The following GFM2 variants were observed in gnomAD, a reference collection of about 807,000 sequenced individuals.
GFM2 encodes the protein ribosome-releasing factor 2, mitochondrial.
A neutral mutation model predicts 95.4 loss-of-function variants in GFM2; 72 were observed. The observed-to-expected ratio is 0.76, with a 90% CI of 0.62 to 0.92. The LOEUF (loss-of-function observed/expected upper bound fraction) is 0.92. GFM2 is among the 40% of genes least tolerant of loss of function. The probability of loss-of-function intolerance (pLI) is 0.00; values close to 1 mark genes in which losing one functional copy is unlikely to be tolerated. For synonymous variants in GFM2, 276 were observed against 317.5 expected, an observed-to-expected ratio of 0.87 and a Z score of 1.39; for missense variants, 825 against 924.1, an observed-to-expected ratio of 0.89 and a Z score of 1.39.
At chr5:74,752,636 G>A (rs1743777413) in intron 5 of GFM2, among the ~76,000 whole-genome samples, 1 of 152,140 alleles carries the variant, frequency 6.6e-6, no homozygotes, top group African/African-American at 2.4e-5. Context: ...TTACACAGTA[G>A]TAAGCATTTT....
At chr5:74,749,238 T>A (rs559089561) in intron 7 of GFM2, among the ~76,000 whole-genome samples, 1 of 152,052 alleles carries the variant, frequency 6.6e-6, no homozygotes, top group African/African-American at 2.4e-5. Context: ...TGGTCTCTAA[T>A]TCCTGGGCTC....
chr5:74,760,930 C>T lies in GFM2; in HGVS notation c.120G>A (p.Pro40=), dbSNP rs368688699. 5.0e-6 allele frequency: 8 copies of T among 1,610,100 alleles called. No homozygotes were observed. The highest frequency in any genetic ancestry group is 6.8e-6 in the Non-Finnish European group (8 of 1,176,954). Reference sequence around the variant, plus strand: ...GTAGAGAACTGCAATTTCTTCCAAGCGGCACATGTGGCTTTAATCTTTTTA... The same window carrying T: ...GTAGAGAACTGCAATTTCTTCCAAGTGGCACATGTGGCTTTAATCTTTTTA... The part of the protein sequence containing the change: ...ASLKRLKPHV[P]LGRNCSSLPG... The change falls in exon 3 of 21, where the codon CCG becomes CCA. Residue 40 remains proline (P), a synonymous_variant. Transcript: ENST00000296805.
chr5:74,725,662 C>A lies in GFM2; in HGVS notation c.2006G>T (p.Cys669Phe), dbSNP rs758567870. The stretch of plus-strand genomic sequence containing the variant: ...TACCTTTTGCACGCATCTTGAGACA[C>A]AGGCAGAAATCATAGTTGTGGAGGT... ...PGTSTTMISACVSRCVQKALK... is the reference protein window; with the variant it reads ...PGTSTTMISAFVSRCVQKALK... The change falls in exon 19 of 21, where the codon TGT becomes TTT. Residue 669 changes from cysteine (C) to phenylalanine (F), a missense_variant. By Grantham distance (205) the Cys-to-Phe change is radical. Coordinates refer to ENST00000296805, the MANE Select transcript of GFM2 (RefSeq NM_032380.5). 1.5e-5 allele frequency: 24 copies of A among 1,612,896 alleles called. No individual in the cohort carries two copies. Among genetic ancestry groups the A allele is most frequent in the Non-Finnish European group, 1.9e-5 (22 of 1,179,158 alleles).
intron 16 of GFM2, among the ~76,000 whole-genome samples, chr5:74,731,423 C>T (rs190530033): frequency 6.0e-4 from 92 of 152,210 alleles, no homozygotes; most frequent in Middle Eastern, 6.8e-3. Flanking sequence ...TATGATCAAG[C>T]CCCAATAATA....
In GFM2 at chr5:74,761,154, C is replaced by T. The variant is rs560951636; in HGVS notation, c.64-168G>A. On this transcript the variant is annotated intron_variant, in intron 2 of 20. Coordinates refer to ENST00000296805, the MANE Select transcript of GFM2 (RefSeq NM_032380.5). ...TTAAAAAGTGACAATCCAAATATATCCTAGGGGAAAGAATAAGGATAAAAT... is the reference window on the plus strand; with the variant it reads ...TTAAAAAGTGACAATCCAAATATATTCTAGGGGAAAGAATAAGGATAAAAT... 3.3e-5 allele frequency among the ~76,000 whole-genome samples: 5 copies of T among 152,208 alleles called. No homozygotes were observed. In the South Asian group the frequency reaches 6.2e-4, roughly 19 times the overall value.
At chr5:74,732,968 ACACACACACACT>A (rs1206427584) in intron 16 of GFM2, 42 bp downstream of exon 16, 3 of 924,472 alleles carry the variant, frequency 3.2e-6, no homozygotes, top group Non-Finnish European at 1.8e-6. Flanking sequence ...ACACACACAC[ACACACACACACT>A]CTTATAGAAA....
chr5:74,733,229 G>A (rs146656777), intron 15 of GFM2, 131 bp from the exon 16 acceptor site: 6 of 615,250 alleles, frequency 9.8e-6, no homozygotes, highest in African/African-American at 3.7e-5. Context: ...GGTGACTCAC[G>A]TCTGTAATCC....
intron 7 of GFM2, among the ~76,000 whole-genome samples, chr5:74,748,785 A>C (rs1183304472): frequency 4.0e-5 from 6 of 151,392 alleles, no homozygotes; most frequent in Non-Finnish European, 8.8e-5. Context: ...GGATCGCTTG[A>C]ACCCGGGAGA....
chr5:74,762,014 G>A (rs1744307938), intron 2 of GFM2, among the ~76,000 whole-genome samples: 1 of 152,188 alleles, frequency 6.6e-6, no homozygotes, highest in South Asian at 2.1e-4. Context: ...ATCACAGCGT[G>A]CATAGTCTGA....
At chr5:74,737,659 C>T (rs1273062861) in intron 14 of GFM2, among the ~76,000 whole-genome samples, 1 of 152,110 alleles carries the variant, frequency 6.6e-6, no homozygotes, top group Non-Finnish European at 1.5e-5. Context: ...GAAGGATCTT[C>T]AAACTTGAAA....
chr5:74,747,653 G>T, intron 8 of GFM2, 39 bp downstream of exon 8: 1 of 1,223,708 alleles, frequency 8.2e-7, no homozygotes, highest in Non-Finnish European at 1.2e-6. Context: ...TCAAATTGTA[G>T]TTTCACCCTG....
rs368755569 is a variant in GFM2, at chr5:74,721,620, G to A, written c.*35C>T. 9 of 1,597,718 alleles carry A rather than the reference G, an allele frequency of 5.6e-6. No individual in the cohort carries two copies. The African/African-American group carries it at 1.2e-4, about 22-fold the overall frequency. ...GTTCTTACTGAAAATGAAGTAGCTA[G>A]GTGCTCCTGAATTTCTCTCCAAAAA... is the stretch of plus-strand genomic sequence containing the variant. On this transcript the variant is annotated 3_prime_UTR_variant, in exon 21 of 21. Transcript: ENST00000296805.
In GFM2 at chr5:74,738,356, T is replaced by G. The variant is rs1400943922; in HGVS notation, c.1282A>C (p.Thr428Pro). The change falls in exon 14 of 21, where the codon ACT becomes CCT. Residue 428 changes from threonine (T) to proline (P), a missense_variant. By Grantham distance (38) the Thr-to-Pro change is conservative. Transcript: ENST00000296805. ...ADQHVEIPSL[T>P]AGNIALTVGL... ...ACAGTCAAAGCAATGTTACCAGCAGTCAATGAAGGGATTTCTACATGTTGG... is the reference window on the plus strand; with the variant it reads ...ACAGTCAAAGCAATGTTACCAGCAGGCAATGAAGGGATTTCTACATGTTGG... 2 of 1,613,510 alleles carry G rather than the reference T, an allele frequency of 1.2e-6. No individual in the cohort carries two copies. The highest frequency in any genetic ancestry group is 3.3e-5 in the Admixed American group (2 of 59,964).
intron 15 of GFM2, chr5:74,733,305 A>C: frequency 2.4e-6 from 1 of 422,864 alleles, no homozygotes; most frequent in South Asian, 3.9e-5. Flanking sequence ...AGCCTGGGCA[A>C]CATGGCGAAA....
At position 74,721,707 on chromosome 5, in the gene GFM2, A is replaced by G. The variant is rs1346088179; in HGVS notation, c.2288T>C (p.Met763Thr). The change falls in exon 21 of 21, where the codon ATG becomes ACG. Residue 763 changes from methionine to threonine, a missense_variant. Met to Thr is a moderately conservative substitution (Grantham distance 81, BLOSUM62 -1). Coordinates refer to ENST00000296805, the MANE Select transcript of GFM2 (RefSeq NM_032380.5). ...CAGTGTATTTTGATCTTGAGGATTC[A>G]TGGCTTGATAAGTAGATAGTTCTAA... ...FALELSTYQA[M>T]NPQDQNTLLN... 2 of 1,613,738 alleles carry G rather than the reference A, an allele frequency of 1.2e-6. No homozygotes were observed. The highest frequency in any genetic ancestry group is 2.7e-5 in the African/African-American group (2 of 74,918).
In GFM2 at chr5:74,759,414, T is replaced by C. The variant is rs749075989; in HGVS notation, c.161A>G (p.Asn54Ser). ...GATGGAATGAAGGGATTTGATATCA[T>C]TTCCTATTAAGCCTAATGAAAAGAA... is the stretch of plus-strand genomic sequence containing the variant. ...NCSSLPGLIG[N>S]DIKSLHSIIN... Residue 54 changes from asparagine (N) to serine (S), a missense_variant, in exon 4 of 21, where the codon AAT becomes AGT. Physicochemically the swap from Asn to Ser is conservative, Grantham distance 46. Transcript: ENST00000296805. 6.6e-7 allele frequency: 1 copy of C among 1,517,298 alleles called. No individual in the cohort carries two copies. The highest frequency in any genetic ancestry group is 1.1e-5 in the South Asian group (1 of 87,208). The allele number at this position is 1,517,298 out of a possible 1,614,324, so 94.0% of individuals were successfully genotyped here.
rs1387296990 is a variant in GFM2, at chr5:74,722,489, G to A, written c.2101C>T (p.Leu701Phe). The part of the protein sequence containing the change: ...NLEVTVARDY[L>F]SPVLADLAQR... ...GCCAGATCTGCCAGGACAGGGCTGA[G>A]ATAATCTCTAGCTACTGTAACCTCA... Residue 701 changes from leucine (L) to phenylalanine (F), a missense_variant, in exon 20 of 21, where the codon CTC becomes TTC. Physicochemically the swap from Leu to Phe is conservative, Grantham distance 22. Coordinates refer to ENST00000296805, the MANE Select transcript of GFM2 (RefSeq NM_032380.5). 4 of 1,613,922 alleles carry A rather than the reference G, an allele frequency of 2.5e-6. No individual in the cohort carries two copies. The South Asian group carries it at 4.4e-5, about 18-fold the overall frequency.
chr5:74,758,457 G>A (rs1297350483), intron 5 of GFM2, among the ~76,000 whole-genome samples: 2 of 152,132 alleles, frequency 1.3e-5, no homozygotes, highest in Non-Finnish European at 2.9e-5. Context: ...AGCTAGGGTG[G>A]CTCCTATGAA....
intron 19 of GFM2, among the ~76,000 whole-genome samples, chr5:74,724,509 G>A (rs1750061669): frequency 6.6e-6 from 1 of 151,668 alleles, no homozygotes; most frequent in Non-Finnish European, 1.5e-5. Context: ...AATTACTTGA[G>A]GGTGAATTTT....
Sources: gnomAD v4.1 joint callset for allele counts (sites outside exome capture counted in the v4.1 genomes callset) on GRCh38, gnomAD v4.1.1 for gene constraint, MANE v1.5 for transcripts, NCBI Gene and HGNC (gene_info 2026-07-23, HGNC 2026-07-21) for gene names.